The following GMDS variants were observed in gnomAD, a reference collection of about 807,000 sequenced individuals.
GMDS encodes GDP-mannose 4,6-dehydratase.
In GMDS, 20 loss-of-function variants were observed where a neutral mutation model predicts 49.9. That is an observed-to-expected ratio of 0.40 (90% CI 0.28 to 0.58). GMDS has a LOEUF of 0.58. Ranked by LOEUF, GMDS falls within the 20% of genes least tolerant of loss-of-function variation. The pLI is 0.42. For missense variants in GMDS, 362 were observed against 481.4 expected (o/e 0.75, Z 2.32); for synonymous variants, 177 against 178.6 (o/e 0.99, Z 0.07).
rs942868068 is a variant in GMDS at position 1,624,082 on chromosome 6, A to T, written c.*87T>A. On this transcript the variant is annotated 3_prime_UTR_variant, in exon 11 of 11. Transcript: ENST00000380815. ...GGCCGCAGGGGACCCGCAGATTGGC[A>T]CGCCGCTCCCCATCCCCGCAGCGCG... The T allele has an allele frequency of 8.1e-7, 1 of 1,238,016 alleles. No individual in the cohort carries two copies. Among genetic ancestry groups the T allele is most frequent in the Non-Finnish European group, 1.2e-6 (1 of 866,022 alleles). 76.7% of individuals were successfully genotyped at this position (1,238,016 alleles called of 1,614,324 possible). A position where few individuals can be genotyped will look rare whatever the true frequency, so the allele number is the denominator to read the frequency against.
At chr6:1,982,380 C>G (rs1260295722) in intron 4 of GMDS, among the ~76,000 whole-genome samples, 8 of 152,132 alleles carry the variant, frequency 5.3e-5, no homozygotes, top group African/African-American at 1.9e-4. Context: ...AAGTTCTGGC[C>G]AGGACAATCA....
intron 4 of GMDS, among the ~76,000 whole-genome samples, chr6:1,969,261 C>CAAAAAAAAAAAAAAAAAAAAAA (rs761741871): frequency 7.1e-5 from 1 of 14,098 alleles, no homozygotes; most frequent in Non-Finnish European, 1.9e-4. Flanking sequence ...GGCTCCATCT[C>CAAAAAAAAAAAAAAAAAAAAAA]AAAAAAAAAA....
At chr6:1,897,355 G>A (rs1384966111) in intron 7 of GMDS, among the ~76,000 whole-genome samples, 2 of 152,072 alleles carry the variant, frequency 1.3e-5, no homozygotes, top group African/African-American at 2.4e-5. Flanking sequence ...CTCCAAATAC[G>A]GTCACATTCT....
chr6:2,080,345 A>T (rs1772609066), intron 4 of GMDS, among the ~76,000 whole-genome samples: 1 of 152,142 alleles, frequency 6.6e-6, no homozygotes, highest in Non-Finnish European at 1.5e-5. Flanking sequence ...ATTGCTGAAG[A>T]ATTATTGTGT....
intron 7 of GMDS, among the ~76,000 whole-genome samples, chr6:1,745,840 A>G (rs1224137747): frequency 1.3e-5 from 2 of 152,166 alleles, no homozygotes; most frequent in Non-Finnish European, 2.9e-5. Flanking sequence ...TTGACTGGTA[A>G]ATGAAGAACA....
intron 7 of GMDS, among the ~76,000 whole-genome samples, chr6:1,858,347 C>T (rs533328308): frequency 6.3e-4 from 96 of 152,132 alleles, no homozygotes; most frequent in Non-Finnish European, 1.1e-3. Flanking sequence ...ATAAACGCAC[C>T]AAATATGCTG....
chr6:2,087,154 G>A (rs1209232037), intron 4 of GMDS, among the ~76,000 whole-genome samples: 4 of 152,224 alleles, frequency 2.6e-5, no homozygotes, highest in Admixed American at 1.3e-4. Flanking sequence ...CAACCAGAAC[G>A]AATTGCTTTG....
intron 7 of GMDS, among the ~76,000 whole-genome samples, chr6:1,880,274 CT>C (rs34964786): frequency 0.34 from 43,555 of 129,678 alleles, 7,255 homozygotes; most frequent in African/African-American, 0.4. Context: ...GAAACGAGAC[CT>C]CATTTCCACA....
intron 7 of GMDS, among the ~76,000 whole-genome samples, chr6:1,801,532 T>A (rs1355576361): frequency 6.6e-6 from 1 of 152,224 alleles, no homozygotes; most frequent in Non-Finnish European, 1.5e-5. Context: ...ACATTTTCCA[T>A]GCAAAACCCA....
chr6:1,916,882 G>GTTT (rs59933624), intron 7 of GMDS, among the ~76,000 whole-genome samples: 20 of 145,472 alleles, frequency 1.4e-4, no homozygotes, highest in South Asian at 6.6e-4. Flanking sequence ...GCTTCTTCAG[G>GTTT]TTTTTTTTTT....
In GMDS at chr6:2,084,353, T is replaced by C. The variant is rs1464123020; in HGVS notation, c.345+31418A>G. On this transcript the variant is annotated intron_variant, in intron 4 of 10. Coordinates refer to ENST00000380815, the MANE Select transcript of GMDS (RefSeq NM_001500.4). ...CATAAACATACCCTTTTTCATCAAG[T>C]GGTTGGACTCACATTTGACAAGCTG... 3.9e-5 allele frequency among the ~76,000 whole-genome samples: 6 copies of C among 152,264 alleles called. No individual in the cohort carries two copies. In the East Asian group the frequency reaches 9.7e-4, roughly 24 times the overall value.
At chr6:1,996,090 T>G (rs1356521006) in intron 4 of GMDS, among the ~76,000 whole-genome samples, 1 of 151,922 alleles carries the variant, frequency 6.6e-6, no homozygotes, top group Middle Eastern at 3.2e-3. Flanking sequence ...CTTTTCTTCT[T>G]CTCCTTCTTC....
intron 6 of GMDS, among the ~76,000 whole-genome samples, chr6:1,950,959 C>G (rs1186637734): frequency 6.6e-6 from 1 of 152,140 alleles, no homozygotes. Context: ...AGCAGCATCC[C>G]TGGCCTCTAC....
chr6:2,242,724 C>T (rs186289510), intron 1 of GMDS, among the ~76,000 whole-genome samples: 48 of 152,316 alleles, frequency 3.2e-4, no homozygotes, highest in Non-Finnish European at 4.9e-4. Context: ...TTCTGACACT[C>T]ATTAGATGTA....
intron 9 of GMDS, among the ~76,000 whole-genome samples, chr6:1,688,626 A>T (rs1765066292): frequency 6.6e-6 from 1 of 152,238 alleles, no homozygotes; most frequent in African/African-American, 2.4e-5. Context: ...AATACCAGCC[A>T]AAAAGAAAGA....
At chr6:2,149,065 G>A (rs1425907441) in intron 1 of GMDS, among the ~76,000 whole-genome samples, 1 of 152,094 alleles carries the variant, frequency 6.6e-6, no homozygotes, top group Admixed American at 6.6e-5. Context: ...AGGAAAGCAA[G>A]ACCTTGATGA....
At chr6:2,066,179 A>C (rs1771576479) in intron 4 of GMDS, among the ~76,000 whole-genome samples, 1 of 149,598 alleles carries the variant, frequency 6.7e-6, no homozygotes, top group Non-Finnish European at 1.5e-5. Flanking sequence ...AAGCTTCATA[A>C]GTGAAGGAGA....
intron 7 of GMDS, among the ~76,000 whole-genome samples, chr6:1,852,994 G>A (rs1199389904): frequency 1.3e-5 from 2 of 151,834 alleles, no homozygotes. Context: ...GAGCCACCGC[G>A]CCTGCCTGGG....
intron 7 of GMDS, among the ~76,000 whole-genome samples, chr6:1,792,830 T>A (rs1056779155): frequency 3.9e-5 from 6 of 152,158 alleles, no homozygotes; most frequent in Admixed American, 3.9e-4. Context: ...AGTTTTATGA[T>A]CTTCTTTTTA....
Sources: allele counts gnomAD v4.1 joint callset (sites outside exome capture counted in the v4.1 genomes callset), GRCh38; gene constraint gnomAD v4.1.1; transcripts MANE v1.5; gene names NCBI Gene and HGNC (gene_info 2026-07-23, HGNC 2026-07-21).